Variants in BCL10 observed in about 807,000 individuals in gnomAD.
BCL10 encodes the protein BCL10 immune signaling adaptor.
In BCL10, 5 loss-of-function variants were observed where a neutral mutation model predicts 19.2. The ratio of observed to expected loss-of-function variants is 0.26; its 90% CI spans 0.14 to 0.55. The LOEUF (loss-of-function observed/expected upper bound fraction) is 0.55. Among genes scored for constraint, BCL10 ranks in the 20% least tolerant of loss-of-function variants. BCL10 has a pLI of 0.94. For missense variants in BCL10, 201 were observed against 271.9 expected (o/e 0.74, Z 1.83); for synonymous variants, 110 against 98.8 (o/e 1.11, Z -0.67).
At position 85,266,554 on chromosome 1, in the gene BCL10, A is replaced by G. The variant is rs377752370; in HGVS notation, c.*1073T>C. ...ATTGGTCCTCATTAAAAGAGAATGA[A>G]AAGTACAGAGAAAATATTTTTTAAA... is the stretch of plus-strand genomic sequence containing the variant. On this transcript the variant is annotated 3_prime_UTR_variant, in exon 3 of 3. Transcript: ENST00000648566. 6.5e-5 allele frequency: 12 copies of G among 183,306 alleles called. No individual in the cohort carries two copies. The highest frequency in any genetic ancestry group is 1.9e-4 in the Admixed American group (3 of 16,008). The allele number at this position is 183,306 out of a possible 1,614,324, so 11.4% of individuals were successfully genotyped here.
In BCL10 at chr1:85,268,001, G is replaced by C; in HGVS notation, c.347-19C>G. 1 of 1,450,896 alleles carries C rather than the reference G, an allele frequency of 6.9e-7. No homozygotes were observed. Among genetic ancestry groups the C allele is most frequent in the Non-Finnish European group, 9.2e-7 (1 of 1,089,550 alleles). 89.9% of individuals were successfully genotyped at this position (1,450,896 alleles called of 1,614,324 possible). On this transcript the variant is annotated intron_variant, in intron 2 of 2. Transcript: ENST00000648566. ...TTTAGTCCTACAATAAAATTATTCA[G>C]ATGTAAATGAAAAAGTAACTAAAAA...
intron 1 of BCL10, among the ~76,000 whole-genome samples, chr1:85,273,098 C>A (rs957809932): frequency 6.6e-6 from 1 of 152,098 alleles, no homozygotes; most frequent in Non-Finnish European, 1.5e-5. Flanking sequence ...ACCTAACTCC[C>A]CAGAATGAGT....
chr1:85,266,510 C>T lies in BCL10; in HGVS notation c.*1117G>A, dbSNP rs1660195135. ...TCACACACACCAAAAATAATTTGTTCCAGTTATTTCAACTGTACATTGGTC... is the reference window on the plus strand; with the variant it reads ...TCACACACACCAAAAATAATTTGTTTCAGTTATTTCAACTGTACATTGGTC... On this transcript the variant is annotated 3_prime_UTR_variant, in exon 3 of 3. Transcript: ENST00000648566. 1 of 187,042 alleles carries T rather than the reference C, an allele frequency of 5.3e-6. No individual in the cohort carries two copies. The highest frequency in any genetic ancestry group is 1.1e-5 in the Non-Finnish European group (1 of 88,604). 11.6% of individuals were successfully genotyped at this position (187,042 alleles called of 1,614,324 possible).
chr1:85,273,406 C>A (rs1202074926), intron 1 of BCL10, among the ~76,000 whole-genome samples: 1 of 152,168 alleles, frequency 6.6e-6, no homozygotes, highest in African/African-American at 2.4e-5. Context: ...ACTTTTCAAT[C>A]ATTTTCTTGT....
intron 1 of BCL10, 120 bp downstream of exon 1, chr1:85,276,176 G>A: frequency 1.6e-6 from 2 of 1,284,982 alleles, no homozygotes; most frequent in East Asian, 2.3e-5. Context: ...CCTGTGCTAG[G>A]ACTTTCCGCT....
At chr1:85,268,829 T>A (rs1660280003) in intron 2 of BCL10, among the ~76,000 whole-genome samples, 1 of 151,608 alleles carries the variant, frequency 6.6e-6, no homozygotes, top group Admixed American at 6.6e-5. Context: ...TGTCCAACAT[T>A]CCAGGACTAC....
chr1:85,268,939 C>G (rs756056074), intron 2 of BCL10, among the ~76,000 whole-genome samples: 4 of 152,162 alleles, frequency 2.6e-5, no homozygotes, highest in Non-Finnish European at 4.4e-5. Flanking sequence ...AGCTGTGGTA[C>G]GAATGTATCC....
In BCL10 at chr1:85,267,616, G is replaced by C; in HGVS notation, c.*11C>G. ...TTTTGTCATCATTAAAAATTAAAAG[G>C]CAATAAAGTGTCATTGTCGTGAAAC... On this transcript the variant is annotated 3_prime_UTR_variant, in exon 3 of 3. Transcript: ENST00000648566. 1 of 1,543,626 alleles carries C rather than the reference G, an allele frequency of 6.5e-7. No individual in the cohort carries two copies. The highest frequency in any genetic ancestry group is 8.7e-7 in the Non-Finnish European group (1 of 1,144,756).
chr1:85,270,550 G>T (rs1265455810), intron 2 of BCL10, 68 bp downstream of exon 2: 15 of 1,439,422 alleles, frequency 1.0e-5, no homozygotes, highest in Non-Finnish European at 1.9e-6. Flanking sequence ...CAGGCACCTG[G>T]CCTGCTCTGC....
intron 1 of BCL10, among the ~76,000 whole-genome samples, chr1:85,271,112 C>A (rs1325615615): frequency 6.6e-6 from 1 of 152,286 alleles, no homozygotes; most frequent in South Asian, 2.1e-4. Flanking sequence ...ATCTCACCTT[C>A]AAACCTAAAA....
At chr1:85,275,360 C>G (rs1466099824) in intron 1 of BCL10, among the ~76,000 whole-genome samples, 1 of 152,166 alleles carries the variant, frequency 6.6e-6, no homozygotes, top group Admixed American at 6.5e-5. Flanking sequence ...ATCCAGTTTC[C>G]TTCTGCTGGT....
intron 2 of BCL10, among the ~76,000 whole-genome samples, chr1:85,268,234 T>C (rs1197329604): frequency 6.6e-6 from 1 of 152,224 alleles, no homozygotes; most frequent in Non-Finnish European, 1.5e-5. Context: ...GTAATTCTCA[T>C]TTAAGGTACA....
intron 1 of BCL10, among the ~76,000 whole-genome samples, chr1:85,275,979 C>T (rs1660514450): frequency 1.3e-5 from 2 of 152,210 alleles, no homozygotes; most frequent in Non-Finnish European, 2.9e-5. Flanking sequence ...CAGTCCCTAA[C>T]GAAGCATCTC....
Position 85,266,796 on chromosome 1 carries a change from G to C in BCL10, c.*831C>G, listed in dbSNP as rs1336600835. 2 of 169,976 alleles carry C rather than the reference G, an allele frequency of 1.2e-5. No homozygotes were observed. Among genetic ancestry groups the C allele is most frequent in the African/African-American group, 5.0e-5 (2 of 39,734 alleles). 10.5% of individuals were successfully genotyped at this position (169,976 alleles called of 1,614,324 possible). On this transcript the variant is annotated 3_prime_UTR_variant, in exon 3 of 3. Transcript: ENST00000648566. ...TGAGAGGCTGAGGTGAGAGGATCAC[G>C]TAAGCATGGGAGGCAGAAGTTGCAG... is the stretch of plus-strand genomic sequence containing the variant.
chr1:85,276,175 G>A (rs1660520967), intron 1 of BCL10, 121 bp downstream of exon 1: 3 of 1,277,766 alleles, frequency 2.3e-6, no homozygotes, highest in Admixed American at 1.7e-5. Flanking sequence ...TCCTGTGCTA[G>A]GACTTTCCGC....
chr1:85,269,263 G>A (rs1660294085), intron 2 of BCL10, among the ~76,000 whole-genome samples: 1 of 152,166 alleles, frequency 6.6e-6, no homozygotes, highest in Admixed American at 6.5e-5. Flanking sequence ...CCCAGTCTCA[G>A]GTATTGCTAC....
At chr1:85,270,485 C>G in intron 2 of BCL10, 133 bp downstream of exon 2, 1 of 764,552 alleles carries the variant, frequency 1.3e-6, no homozygotes, top group Middle Eastern at 3.8e-4. Context: ...GTTGCCCAGG[C>G]TGGTCTCAAA....
In BCL10 at chr1:85,267,844, G is replaced by A. The variant is rs200837308; in HGVS notation, c.485C>T (p.Thr162Met). Residue 162 changes from threonine (T) to methionine (M), a missense_variant, in exon 3 of 3, where the codon ACG becomes ATG. Around this residue, in one of 3 missense-constraint regions of BCL10, gnomAD observed 126 missense variants for 136.6 expected, o/e 0.92. Transcript: ENST00000648566. ...AGAATTAGTAGAAAAAAAGGGCGTC[G>A]TGCTGGATTCTCCTTCTGGATGGTA... Reference protein sequence around the residue: ...VMYHPEGESSTTPFFSTNSSL... With the variant: ...VMYHPEGESSMTPFFSTNSSL... The A allele has an allele frequency of 3.2e-4, 509 of 1,614,204 alleles. 6 individuals are homozygous for A. In the East Asian group the frequency reaches 0.01, roughly 32 times the overall value.
In BCL10 at chr1:85,266,052, T is replaced by A. The variant is rs1219547032; in HGVS notation, c.*1575A>T. Among the ~76,000 whole-genome samples the A allele has an allele frequency of 6.6e-6, 1 of 151,994 alleles. No homozygotes were observed. ...TATAATCCTTAGAAAGTGCTTATAC[T>A]AAAAAAAATCCAATCTTTAAAAATT... On this transcript the variant is annotated 3_prime_UTR_variant, in exon 3 of 3. Coordinates refer to ENST00000648566, the MANE Select transcript of BCL10 (RefSeq NM_003921.5).
Sources: gnomAD v4.1 joint callset for allele counts (sites outside exome capture counted in the v4.1 genomes callset) on GRCh38, gnomAD v4.1.1 for gene constraint, gnomAD v4.1.1 regional missense constraint, MANE v1.5 for transcripts, NCBI Gene and HGNC (gene_info 2026-07-23, HGNC 2026-07-21) for gene names.